Variants in COMMD9 observed in about 807,000 individuals in gnomAD.
COMMD9 encodes COMM domain-containing protein 9.
Under a neutral mutation model 23.4 loss-of-function variants are expected in COMMD9, and 22 were observed. The observed-to-expected ratio is 0.94, with a 90% CI of 0.67 to 1.34. The LOEUF (loss-of-function observed/expected upper bound fraction) is 1.34. COMMD9 is among the 40% of genes most tolerant of loss of function. The pLI, the probability that COMMD9 is intolerant of heterozygous loss-of-function variation, is 0.00. For synonymous variants in COMMD9, 99 were observed against 97.4 expected (o/e 1.02, Z -0.10); for missense variants, 231 against 240.2 (o/e 0.96, Z 0.25).
At chr11:36,284,296 G>C (rs762258907) in intron 1 of COMMD9, among the ~76,000 whole-genome samples, 13 of 152,202 alleles carry the variant, frequency 8.5e-5, no homozygotes, top group Non-Finnish European at 1.8e-4. Flanking sequence ...CAGAGACAGA[G>C]AGGGACATTA....
chr11:36,277,744 A>G (rs1855999391), intron 3 of COMMD9, among the ~76,000 whole-genome samples: 1 of 152,212 alleles, frequency 6.6e-6, no homozygotes, highest in Non-Finnish European at 1.5e-5. Flanking sequence ...AAAAAGATCA[A>G]TTAAACATAT....
chr11:36,284,047 G>A (rs1281278154), intron 1 of COMMD9, among the ~76,000 whole-genome samples: 2 of 151,990 alleles, frequency 1.3e-5, no homozygotes, highest in African/African-American at 2.4e-5. Flanking sequence ...TAAAGGCTGC[G>A]GTGAGCCGAG....
At chr11:36,284,414 A>T (rs1856118110) in intron 1 of COMMD9, among the ~76,000 whole-genome samples, 1 of 152,246 alleles carries the variant, frequency 6.6e-6, no homozygotes, top group South Asian at 2.1e-4. Context: ...AAGAAGAAAC[A>T]GACCAAATGA....
At chr11:36,278,264 AAGAG>A (rs1205575164) in intron 3 of COMMD9, 7 of 509,704 alleles carry the variant, frequency 1.4e-5, no homozygotes, top group Middle Eastern at 5.2e-4. Flanking sequence ...CAGAGGTGTA[AAGAG>A]GAAAAAAAAA....
At chr11:36,277,462 C>T (rs564777830) in intron 3 of COMMD9, among the ~76,000 whole-genome samples, 3 of 152,314 alleles carry the variant, frequency 2.0e-5, no homozygotes, top group African/African-American at 7.2e-5. Context: ...TTATTGAGCA[C>T]CTACTGCATA....
intron 3 of COMMD9, 181 bp downstream of exon 3, chr11:36,278,296 T>C: frequency 1.7e-6 from 1 of 584,464 alleles, no homozygotes; most frequent in South Asian, 2.2e-5. Flanking sequence ...TTAAAAGGCT[T>C]TCCATTAAGA....
intron 1 of COMMD9, among the ~76,000 whole-genome samples, chr11:36,288,418 T>C (rs1035248915): frequency 2.0e-5 from 3 of 151,148 alleles, no homozygotes; most frequent in Non-Finnish European, 4.4e-5. Flanking sequence ...CTTACATTCT[T>C]ATGAGACAGA....
rs778024784 is a variant in COMMD9, at chr11:36,277,140, G to C, written c.318-17C>G. 3 of 1,576,582 alleles carry C rather than the reference G, an allele frequency of 1.9e-6. No individual in the cohort carries two copies. The Admixed American group carries it at 5.5e-5, about 29-fold the overall frequency. On this transcript the variant is annotated splice_polypyrimidine_tract_variant and intron_variant, in intron 3 of 5. Coordinates refer to ENST00000263401, the MANE Select transcript of COMMD9 (RefSeq NM_014186.4). Reference sequence around the variant, plus strand: ...CAAGTAGACCTGTTTAAGAGGGAAAGATGAGGAAAAAATAATGGAAAGGGG... The same window carrying C: ...CAAGTAGACCTGTTTAAGAGGGAAACATGAGGAAAAAATAATGGAAAGGGG...
rs192916637 is a variant in COMMD9 at position 36,274,455 on chromosome 11, G to A, written c.*177C>T. The A allele has an allele frequency of 5.5e-5, 44 of 804,768 alleles. No homozygotes were observed. The highest frequency in any genetic ancestry group is 2.0e-4 in the Admixed American group (11 of 55,752). The allele number at this position is 804,768 out of a possible 1,614,324, so 49.9% of individuals were successfully genotyped here. Reference sequence around the variant, plus strand: ...GAGAAAGAAGATGAGTGAGAACAGCGGGGGATCTGGCTGCTTCTTCCCAAT... The same window carrying A: ...GAGAAAGAAGATGAGTGAGAACAGCAGGGGATCTGGCTGCTTCTTCCCAAT... On this transcript the variant is annotated 3_prime_UTR_variant, in exon 6 of 6. Coordinates refer to ENST00000263401, the MANE Select transcript of COMMD9 (RefSeq NM_014186.4).
intron 1 of COMMD9, 152 bp downstream of exon 1, chr11:36,289,210 C>A: frequency 1.6e-6 from 1 of 619,168 alleles, no homozygotes; most frequent in South Asian, 3.0e-5. Context: ...TTTAAAAGCT[C>A]AGAAAGACGC....
intron 2 of COMMD9, among the ~76,000 whole-genome samples, chr11:36,279,108 G>A (rs915072772): frequency 2.0e-5 from 3 of 152,202 alleles, no homozygotes; most frequent in Admixed American, 2.0e-4. Context: ...AGAACCTGAA[G>A]CTGTGCTTAC....
Position 36,272,924 on chromosome 11 carries a change from A to G in COMMD9, c.*1708T>C, listed in dbSNP as rs1431918655. The G allele has an allele frequency of 6.6e-6, 1 of 152,226 alleles. No homozygotes were observed. Among genetic ancestry groups the G allele is most frequent in the Non-Finnish European group, 1.5e-5 (1 of 68,034 alleles). 9.4% of individuals were successfully genotyped at this position (152,226 alleles called of 1,614,324 possible). Reference sequence around the variant, plus strand: ...CCTGGTCAATAAAGGGAGGATGATAATACTAATTCTCACACCAACTCTGTT... The same window carrying G: ...CCTGGTCAATAAAGGGAGGATGATAGTACTAATTCTCACACCAACTCTGTT... On this transcript the variant is annotated 3_prime_UTR_variant, in exon 6 of 6. Coordinates refer to ENST00000263401, the MANE Select transcript of COMMD9 (RefSeq NM_014186.4).
chr11:36,276,439 G>A (rs2133424255), intron 4 of COMMD9, 199 bp from the exon 5 acceptor site: 1 of 525,080 alleles, frequency 1.9e-6, no homozygotes, highest in Non-Finnish European at 3.4e-6. Flanking sequence ...GCCTGCACTT[G>A]GTACTAATTC....
At chr11:36,274,821 A>T (rs925370623) in intron 5 of COMMD9, 49 bp from the exon 6 acceptor site, 3 of 1,608,904 alleles carry the variant, frequency 1.9e-6, no homozygotes, top group Non-Finnish European at 1.7e-6. Context: ...CTTTTCCCAT[A>T]TCCCTGTAAG....
rs1466596641 is a variant in COMMD9 at position 36,272,951 on chromosome 11, T to C, written c.*1681A>G. 6.6e-6 allele frequency: 1 copy of C among 152,206 alleles called. No individual in the cohort carries two copies. The highest frequency in any genetic ancestry group is 2.4e-5 in the African/African-American group (1 of 41,454). 9.4% of individuals were successfully genotyped at this position (152,206 alleles called of 1,614,324 possible). A position where few individuals can be genotyped will look rare whatever the true frequency, so the allele number is the denominator to read the frequency against. ...ACTAATTCTCACACCAACTCTGTTA[T>C]AGTAGATGAGACAATAAATGCACCA... is the stretch of plus-strand genomic sequence containing the variant. On this transcript the variant is annotated 3_prime_UTR_variant, in exon 6 of 6. Transcript: ENST00000263401.
rs2133422006 is a variant in COMMD9 at position 36,274,524 on chromosome 11, C to A, written c.*108G>T. 5 of 1,421,506 alleles carry A rather than the reference C, an allele frequency of 3.5e-6. No individual in the cohort carries two copies. Among genetic ancestry groups the A allele is most frequent in the Non-Finnish European group, 4.9e-6 (5 of 1,022,272 alleles). The allele number at this position is 1,421,506 out of a possible 1,614,324, so 88.1% of individuals were successfully genotyped here. A position where few individuals can be genotyped will look rare whatever the true frequency, so the allele number is the denominator to read the frequency against. ...TGGCAGTAGCCCCCTGCTGTCCCCA[C>A]CATCCTGCCTGTTGTCAGCTGCAGC... On this transcript the variant is annotated 3_prime_UTR_variant, in exon 6 of 6. Transcript: ENST00000263401.
chr11:36,276,939 A>C lies in COMMD9; in HGVS notation c.352+150T>G, dbSNP rs59409732. On this transcript the variant is annotated intron_variant, in intron 4 of 5. Coordinates refer to ENST00000263401, the MANE Select transcript of COMMD9 (RefSeq NM_014186.4). ...AATCAGAAAAAAGTTAAAAAGTAGA[A>C]TTAGGGAAAAAACCCACCATACACA... is the stretch of plus-strand genomic sequence containing the variant. The C allele has an allele frequency of 3.9e-3, 1,841 of 476,942 alleles. 26 individuals are homozygous for C. The highest frequency in any genetic ancestry group is 0.032 in the African/African-American group (1,607 of 49,886). The allele number at this position is 476,942 out of a possible 1,614,324, so 29.5% of individuals were successfully genotyped here.
At chr11:36,287,704 T>TA (rs969545648) in intron 1 of COMMD9, among the ~76,000 whole-genome samples, 9 of 150,888 alleles carry the variant, frequency 6.0e-5, no homozygotes, top group East Asian at 3.9e-4. Flanking sequence ...AAGCCAGGCA[T>TA]AAAAAAAAAG....
chr11:36,278,378 T>A, intron 3 of COMMD9, 99 bp downstream of exon 3: 1 of 1,155,272 alleles, frequency 8.7e-7, no homozygotes, highest in Non-Finnish European at 1.3e-6. Flanking sequence ...CCGGGCTTCC[T>A]AAGTTTTCAA....
Sources: gnomAD v4.1 joint callset for allele counts (sites outside exome capture counted in the v4.1 genomes callset) on GRCh38, gnomAD v4.1.1 for gene constraint, MANE v1.5 for transcripts, NCBI Gene and HGNC (gene_info 2026-07-23, HGNC 2026-07-21) for gene names.